Variants in HPF1 observed in about 807,000 individuals in gnomAD.
The protein encoded by HPF1 is UPF0609 protein C4orf27.
A neutral mutation model predicts 38.8 loss-of-function variants in HPF1; 35 were observed. The observed-to-expected ratio is 0.90, with a 90% CI of 0.69 to 1.19. HPF1 has a LOEUF of 1.19. Among genes scored for constraint, HPF1 ranks in the 50% most tolerant of loss-of-function variants. The probability of loss-of-function intolerance (pLI) is 0.00; values close to 1 mark genes in which losing one functional copy is unlikely to be tolerated. For missense variants in HPF1, 367 were observed against 405.8 expected, an observed-to-expected ratio of 0.90 and a Z score of 0.82; for synonymous variants, 115 against 139.2, an observed-to-expected ratio of 0.83 and a Z score of 1.22.
chr4:169,742,658 G>A (rs2150291068), intron 4 of HPF1, among the ~76,000 whole-genome samples: 1 of 152,340 alleles, frequency 6.6e-6, no homozygotes, highest in East Asian at 1.9e-4. Context: ...CGGGCGTGAT[G>A]GCGGGCGCCT....
In HPF1 at chr4:169,750,703, T is replaced by A; in HGVS notation, c.231A>T (p.Gly77=). ...KPSDSLSASL[G]LQLVGPYDIL... ...TATCATAAGGACCAACTAATTGAAG[T>A]CCAAGGCTTGCAGAAAGTGAATCTA... The change falls in exon 3 of 8, where the codon GGA becomes GGT. Residue 77 remains glycine, a synonymous_variant. Coordinates refer to ENST00000393381, the MANE Select transcript of HPF1 (RefSeq NM_017867.3). 6.2e-7 allele frequency: 1 copy of A among 1,607,672 alleles called. No individual in the cohort carries two copies. Among genetic ancestry groups the A allele is most frequent in the Non-Finnish European group, 8.5e-7 (1 of 1,177,830 alleles).
At position 169,739,426 on chromosome 4, in the gene HPF1, T is replaced by TA. The variant is rs1442718486; in HGVS notation, c.649-1680dup. ...GAGAAATGGGCAGAGTTCAGGCAGT[T>TA]AAAAAAAAAATACAATGGCCAACAG... On this transcript the variant is annotated intron_variant, in intron 5 of 7. Transcript: ENST00000393381. Among the ~76,000 whole-genome samples the TA allele has an allele frequency of 7.5e-4, 111 of 148,710 alleles. No homozygotes were observed. The Middle Eastern group carries it at 0.024, about 33-fold the overall frequency.
rs758847311 is a variant in HPF1, at chr4:169,741,971, G to C, written c.634C>G (p.Gln212Glu). ...SLEQRTVKMKQRDKKVVTKTF... is the reference protein window; with the variant it reads ...SLEQRTVKMKERDKKVVTKTF... ...TGAAATCATACTTTCTTATCTCTCT[G>C]TTTCATCTTCACGGTTCTCTGTTCA... Residue 212 changes from glutamine to glutamate, a missense_variant, in exon 5 of 8, where the codon CAG (glutamine) becomes GAG (glutamate). Coordinates refer to ENST00000393381, the MANE Select transcript of HPF1 (RefSeq NM_017867.3). 8 of 1,613,030 alleles carry C rather than the reference G, an allele frequency of 5.0e-6. No individual in the cohort carries two copies. In the Admixed American group the frequency reaches 1.3e-4, roughly 27 times the overall value.
chr4:169,740,319 A>C, intron 5 of HPF1, among the ~76,000 whole-genome samples: 1 of 152,232 alleles, frequency 6.6e-6, no homozygotes, highest in African/African-American at 2.4e-5. Flanking sequence ...CTCATCTATA[A>C]AATAGGATAA....
At chr4:169,731,570 A>G (rs1733828610) in intron 7 of HPF1, 134 bp downstream of exon 7, 1 of 602,474 alleles carries the variant, frequency 1.7e-6, no homozygotes. Context: ...ATTTTGAAAT[A>G]CAAGCTGAAT....
intron 3 of HPF1, 75 bp from the exon 4 acceptor site, chr4:169,748,917 C>T (rs1734083424): frequency 4.4e-6 from 3 of 688,864 alleles, no homozygotes; most frequent in South Asian, 3.6e-5. Context: ...TTCAGGTCTA[C>T]AGACAACAAT....
intron 5 of HPF1, among the ~76,000 whole-genome samples, chr4:169,740,519 CT>C (rs1342691783): frequency 6.6e-6 from 1 of 152,254 alleles, no homozygotes; most frequent in African/African-American, 2.4e-5. Flanking sequence ...CTCACATATA[CT>C]AGTGGAATTG....
intron 5 of HPF1, among the ~76,000 whole-genome samples, chr4:169,741,244 A>G (rs1254968199): frequency 2.6e-5 from 4 of 152,208 alleles, no homozygotes; most frequent in African/African-American, 7.2e-5. Context: ...CAAGTTCTCC[A>G]TTTAGCTTAG....
At position 169,757,846 on chromosome 4, in the gene HPF1, C is replaced by T; in HGVS notation, c.32G>A (p.Gly11Asp). 1 of 1,565,176 alleles carries T rather than the reference C, an allele frequency of 6.4e-7. No individual in the cohort carries two copies. ...CGGCAGTACCTGCGGCCCCTCTCCGCCGGGCCTGCGCTTCCCGCCACCGCC... is the reference window on the plus strand; with the variant it reads ...CGGCAGTACCTGCGGCCCCTCTCCGTCGGGCCTGCGCTTCCCGCCACCGCC... MVGGGGKRRP[G>D]GEGPQCEKTT... The change falls in exon 1 of 8, where the codon GGC becomes GAC. Residue 11 changes from glycine (G) to aspartate (D), a missense_variant. By Grantham distance (94) the Gly-to-Asp change is moderately conservative. Transcript: ENST00000393381.
chr4:169,749,772 T>G, intron 3 of HPF1, among the ~76,000 whole-genome samples: 1 of 147,168 alleles, frequency 6.8e-6, no homozygotes, highest in East Asian at 2.0e-4. Flanking sequence ...ACATTAGAGA[T>G]GAAAGGATCC....
intron 6 of HPF1, among the ~76,000 whole-genome samples, chr4:169,735,557 A>G (rs1222092043): frequency 3.3e-5 from 5 of 152,206 alleles, no homozygotes; most frequent in African/African-American, 7.2e-5. Flanking sequence ...ACTTGGATAT[A>G]AAACCCCAGA....
At chr4:169,749,451 A>G (rs1255385759) in intron 3 of HPF1, among the ~76,000 whole-genome samples, 1 of 152,180 alleles carries the variant, frequency 6.6e-6, no homozygotes, top group Non-Finnish European at 1.5e-5. Flanking sequence ...TGGTAGGAAT[A>G]CTGCATGGTC....
chr4:169,737,693 C>A lies in HPF1; in HGVS notation c.703G>T (p.Asp235Tyr). 6.2e-7 allele frequency: 1 copy of A among 1,612,186 alleles called. No individual in the cohort carries two copies. The highest frequency in any genetic ancestry group is 8.5e-7 in the Non-Finnish European group (1 of 1,178,490). Residue 235 changes from aspartate to tyrosine, a missense_variant, in exon 6 of 8, where the codon GAT (aspartate) becomes TAT (tyrosine). Coordinates refer to ENST00000393381, the MANE Select transcript of HPF1 (RefSeq NM_017867.3). ...AGLVVPVDKNDVGYRELPETD... is the reference protein window; with the variant it reads ...AGLVVPVDKNYVGYRELPETD... ...TCAGGGAGCTCTCGGTACCCAACAT[C>A]ATTTTTATCTACTGGAACAACCAAG...
Position 169,729,631 on chromosome 4 carries a change from C to T in HPF1, c.988G>A (p.Glu330Lys). ...LKRNLFAEII[E>K]EHLANRSQEN... ...TGACTTCTGTTTGCCAGATGCTCCT[C>T]AATAATTTCTGCAAACAGATTCCTC... The change falls in exon 8 of 8, where the codon GAG becomes AAG. Residue 330 changes from glutamate to lysine, a missense_variant. Physicochemically the swap from Glu to Lys is moderately conservative, Grantham distance 56. Transcript: ENST00000393381. The T allele has an allele frequency of 6.3e-7, 1 of 1,589,662 alleles. No homozygotes were observed. Among genetic ancestry groups the T allele is most frequent in the East Asian group, 2.3e-5 (1 of 43,612 alleles).
At chr4:169,757,777 C>G in intron 1 of HPF1, 53 bp downstream of exon 1, 1 of 1,489,962 alleles carries the variant, frequency 6.7e-7, no homozygotes, top group Non-Finnish European at 9.1e-7. Context: ...TCCTGGTGCC[C>G]TGGCTGTCAC....
At chr4:169,731,676 G>A (rs993810153) in intron 7 of HPF1, 28 bp downstream of exon 7, 2 of 1,493,732 alleles carry the variant, frequency 1.3e-6, no homozygotes, top group Non-Finnish European at 1.8e-6. Flanking sequence ...GTGGCAGTGG[G>A]TAGAAGGTGG....
intron 3 of HPF1, among the ~76,000 whole-genome samples, chr4:169,749,124 C>T (rs570406233): frequency 6.6e-6 from 1 of 152,072 alleles, no homozygotes; most frequent in South Asian, 2.1e-4. Flanking sequence ...TATTGCAGTC[C>T]CATTTTGCAA....
Position 169,750,676 on chromosome 4 carries a change from G to A in HPF1, c.258C>T (p.Ile86=). 3.1e-6 allele frequency: 5 copies of A among 1,613,826 alleles called. No homozygotes were observed. Among genetic ancestry groups the A allele is most frequent in the Non-Finnish European group, 4.2e-6 (5 of 1,179,884 alleles). The change falls in exon 3 of 8, where the codon ATC becomes ATT. Residue 86 remains isoleucine (I), a synonymous_variant. Transcript: ENST00000393381. ...LGLQLVGPYD[I]LAGKHKTKKK... is the part of the protein sequence containing the mutation. ...TCTTCGTTTTATGTTTTCCAGCAAG[G>A]ATATCATAAGGACCAACTAATTGAA...
At chr4:169,754,869 C>T (rs1467886602) in intron 1 of HPF1, among the ~76,000 whole-genome samples, 1 of 152,092 alleles carries the variant, frequency 6.6e-6, no homozygotes, top group African/African-American at 2.4e-5. Context: ...GTCAACAGTG[C>T]TCAAGTTGAG....
Sources: allele counts gnomAD v4.1 joint callset (sites outside exome capture counted in the v4.1 genomes callset), GRCh38; gene constraint gnomAD v4.1.1; transcripts MANE v1.5; gene names NCBI Gene and HGNC (gene_info 2026-07-23, HGNC 2026-07-21).